BBS9: variants seen among roughly 807,000 people sequenced by gnomAD.
The protein encoded by BBS9 is Bardet-Biedl syndrome 9, also known as protein PTHB1.
Under a neutral mutation model 117.7 loss-of-function variants are expected in BBS9, and 89 were observed. The ratio of observed to expected loss-of-function variants is 0.76; its 90% CI spans 0.64 to 0.90. The LOEUF (loss-of-function observed/expected upper bound fraction) is 0.90. Ranked by LOEUF, BBS9 falls within the 40% of genes least tolerant of loss-of-function variation. BBS9 has a pLI of 0.00. For synonymous variants in BBS9, 379 were observed against 370.9 expected (o/e 1.02, Z -0.25); for missense variants, 982 against 1,042.2 (o/e 0.94, Z 0.80).
intron 9 of BBS9, among the ~76,000 whole-genome samples, chr7:33,323,310 T>A (rs1489801449): frequency 6.6e-6 from 1 of 152,176 alleles, no homozygotes; most frequent in East Asian, 1.9e-4. Context: ...GAAAGATCTG[T>A]TCAATATTGA....
intron 21 of BBS9, among the ~76,000 whole-genome samples, chr7:33,570,898 C>A (rs1176416222): frequency 6.6e-6 from 1 of 152,040 alleles, no homozygotes; most frequent in Admixed American, 6.5e-5. Flanking sequence ...GTCATGAAGA[C>A]TAAGGAATTA....
intron 21 of BBS9, among the ~76,000 whole-genome samples, chr7:33,596,288 ACACACACACACT>A (rs1270262083): frequency 2.4e-4 from 33 of 134,832 alleles, no homozygotes; most frequent in Admixed American, 7.0e-4. Context: ...ACACACACAC[ACACACACACACT>A]TATATATGTG....
intron 19 of BBS9, among the ~76,000 whole-genome samples, chr7:33,399,132 A>G (rs771418598): frequency 2.0e-5 from 3 of 152,222 alleles, no homozygotes; most frequent in Non-Finnish European, 4.4e-5. Context: ...TGAATTAGCT[A>G]TATGTGGCTA....
rs1162035621 is a variant in BBS9 at position 33,177,505 on chromosome 7, A to T, written c.356A>T (p.Asn119Ile). The T allele has an allele frequency of 6.2e-7, 1 of 1,612,268 alleles. No homozygotes were observed. Among genetic ancestry groups the T allele is most frequent in the Non-Finnish European group, 8.5e-7 (1 of 1,179,046 alleles). The change falls in exon 5 of 23, where the codon AAC becomes ATC. Residue 119 changes from asparagine (N) to isoleucine (I), a missense_variant. Coordinates refer to ENST00000242067, the MANE Select transcript of BBS9 (RefSeq NM_198428.3). The stretch of plus-strand genomic sequence containing the variant: ...ACCTTGGGTAATGTGGAACATGGGA[A>T]CCAATGTCAGATGAAATTGATGTAT... ...SGTLGNVEHG[N>I]QCQMKLMYEH...
At chr7:33,485,308 G>GTTTTTTTTTT (rs371550940) in intron 19 of BBS9, among the ~76,000 whole-genome samples, 1 of 127,176 alleles carries the variant, frequency 7.9e-6, no homozygotes, top group Non-Finnish European at 1.7e-5. Flanking sequence ...TAACATAAAA[G>GTTTTTTTTTT]TTTTTTTTTT....
intron 21 of BBS9, among the ~76,000 whole-genome samples, chr7:33,554,796 G>C (rs956918867): frequency 6.6e-6 from 1 of 152,172 alleles, no homozygotes; most frequent in African/African-American, 2.4e-5. Flanking sequence ...TATGGAGAGA[G>C]AAAAGAGAGG....
intron 11 of BBS9, among the ~76,000 whole-genome samples, chr7:33,342,228 A>G (rs1350451142): frequency 6.6e-6 from 1 of 152,140 alleles, no homozygotes; most frequent in Non-Finnish European, 1.5e-5. Context: ...TATATATGAA[A>G]GAAACATTCA....
intron 5 of BBS9, among the ~76,000 whole-genome samples, chr7:33,203,813 C>T (rs1280629497): frequency 6.6e-6 from 1 of 151,612 alleles, no homozygotes; most frequent in Non-Finnish European, 1.5e-5. Flanking sequence ...ACCTCCGCCT[C>T]CCGGGCTCAA....
chr7:33,273,941 G>C lies in BBS9; in HGVS notation c.1001G>C (p.Arg334Thr). 6.2e-7 allele frequency: 1 copy of C among 1,613,754 alleles called. No individual in the cohort carries two copies. ...TQLPHIPVAV[R>T]VGCLHDLKGV... ...CTTCCCCACATTCCTGTAGCAGTAAGAGTGGGCTGTTTGCAGTAAGTGATT... is the reference window on the plus strand; with the variant it reads ...CTTCCCCACATTCCTGTAGCAGTAACAGTGGGCTGTTTGCAGTAAGTGATT... Residue 334 changes from arginine to threonine, a missense_variant, in exon 9 of 23, where the codon AGA (arginine) becomes ACA (threonine). Arg to Thr is a moderately conservative substitution (Grantham distance 71). Transcript: ENST00000242067.
intron 21 of BBS9, among the ~76,000 whole-genome samples, chr7:33,548,433 G>A (rs1234494891): frequency 6.6e-6 from 1 of 151,158 alleles, no homozygotes; most frequent in Non-Finnish European, 1.5e-5. Context: ...TGCCATGCTG[G>A]TGCGCTGCAC....
chr7:33,434,005 C>T (rs546225982), intron 19 of BBS9, among the ~76,000 whole-genome samples: 56 of 151,974 alleles, frequency 3.7e-4, no homozygotes, highest in African/African-American at 1.3e-3. Flanking sequence ...TGCCGTATAA[C>T]ATTTTTAAAA....
chr7:33,164,254 T>C (rs1170428522), intron 4 of BBS9, among the ~76,000 whole-genome samples: 1 of 152,214 alleles, frequency 6.6e-6, no homozygotes, highest in Non-Finnish European at 1.5e-5. Flanking sequence ...CTTCCAATCA[T>C]GTGGTCAATT....
intron 21 of BBS9, among the ~76,000 whole-genome samples, chr7:33,591,866 CCATCATCATCAT>C (rs138958813): frequency 0.029 from 4,342 of 151,184 alleles, 80 homozygotes; most frequent in South Asian, 0.11. Flanking sequence ...GCCGTCGTCG[CCATCATCATCAT>C]CATCATCATC....
intron 19 of BBS9, among the ~76,000 whole-genome samples, chr7:33,455,609 C>G (rs933190221): frequency 1.3e-5 from 2 of 152,166 alleles, no homozygotes; most frequent in African/African-American, 4.8e-5. Flanking sequence ...CCAAAACTAT[C>G]CCCGCACCAA....
chr7:33,179,009 A>G (rs1477638723), intron 5 of BBS9, among the ~76,000 whole-genome samples: 1 of 152,202 alleles, frequency 6.6e-6, no homozygotes, highest in East Asian at 1.9e-4. Flanking sequence ...AGAGAAATTT[A>G]GATGAGGGGA....
intron 21 of BBS9, among the ~76,000 whole-genome samples, chr7:33,584,883 A>G (rs543450391): frequency 4.5e-4 from 69 of 152,212 alleles, no homozygotes; most frequent in African/African-American, 1.6e-3. Flanking sequence ...GAAAATGCCA[A>G]GTTCCCTTCC....
intron 21 of BBS9, among the ~76,000 whole-genome samples, chr7:33,555,490 AG>A (rs1855154771): frequency 6.6e-6 from 1 of 152,214 alleles, no homozygotes; most frequent in Admixed American, 6.5e-5. Context: ...AATAGTATGA[AG>A]GCAAGAGATG....
intron 16 of BBS9, 33 bp downstream of exon 16, chr7:33,358,028 C>A (rs772908061): frequency 1.2e-6 from 2 of 1,601,018 alleles, no homozygotes; most frequent in South Asian, 2.2e-5. Context: ...CCTGCAGCAT[C>A]AAAAATGCTA....
At chr7:33,606,071 G>T (rs1462568802), downstream of BBS9, 1 of 152,044 alleles carries the variant, frequency 6.6e-6, no homozygotes, top group African/African-American at 2.4e-5. Flanking sequence ...TGCCAGTTTT[G>T]GAATGCCTCT....
Sources: gnomAD v4.1 joint callset for allele counts (sites outside exome capture counted in the v4.1 genomes callset) on GRCh38, gnomAD v4.1.1 for gene constraint, MANE v1.5 for transcripts, NCBI Gene and HGNC (gene_info 2026-07-23, HGNC 2026-07-21) for gene names.